TRPM3: variants seen among roughly 807,000 people sequenced by gnomAD.
The protein encoded by TRPM3 is transient receptor potential cation channel subfamily M member 3, also known as long transient receptor potential channel 3.
Under a neutral mutation model 181.2 loss-of-function variants are expected in TRPM3, and 77 were observed. That is an observed-to-expected ratio of 0.42 (90% CI 0.35 to 0.51). The LOEUF is 0.51. TRPM3 is among the 20% of genes least tolerant of loss of function. The probability of loss-of-function intolerance (pLI) is 0.01; values close to 1 mark genes in which losing one functional copy is unlikely to be tolerated. For synonymous variants in TRPM3, 745 were observed against 796.4 expected, an observed-to-expected ratio of 0.94 and a Z score of 1.09; for missense variants, 1,759 against 2,196.7, an observed-to-expected ratio of 0.80 and a Z score of 3.98.
intron 8 of TRPM3, among the ~76,000 whole-genome samples, chr9:70,743,196 GTCTGGAT>G (rs1341462110): frequency 5.9e-5 from 9 of 152,280 alleles, no homozygotes; most frequent in Non-Finnish European, 1.3e-4. Context: ...GATAGACTAA[GTCTGGAT>G]CACGGAGGGT....
chr9:70,834,909 G>A (rs569703123), intron 5 of TRPM3, among the ~76,000 whole-genome samples: 4 of 152,264 alleles, frequency 2.6e-5, no homozygotes, highest in African/African-American at 7.2e-5. Flanking sequence ...TTGTCTCCCC[G>A]AAATCTCATG....
rs117231620 is a variant in TRPM3, at chr9:70,889,064, G to A, written c.178-24553C>T. Among the ~76,000 whole-genome samples the A allele has an allele frequency of 9.9e-4, 150 of 152,228 alleles. 1 individual carries two copies. The Middle Eastern group carries it at 0.01, about 10-fold the overall frequency. On this transcript the variant is annotated intron_variant, in intron 1 of 25. Transcript: ENST00000677713. ...GCCAACTAGAGAATGTTCAAAGCTC[G>A]GGAACTGGAAGGGGTGGCACAGCCA... is the stretch of plus-strand genomic sequence containing the variant.
chr9:70,581,329 A>G (rs2055593603), intron 22 of TRPM3, among the ~76,000 whole-genome samples: 1 of 152,256 alleles, frequency 6.6e-6, no homozygotes, highest in African/African-American at 2.4e-5. Flanking sequence ...CTGATGTTCT[A>G]GATATCAAAT....
At chr9:70,759,559 G>A (rs1243436885) in intron 8 of TRPM3, among the ~76,000 whole-genome samples, 2 of 152,066 alleles carry the variant, frequency 1.3e-5, no homozygotes, top group Admixed American at 6.6e-5. Context: ...CACTGTTCAC[G>A]ATAGCAAAGA....
intron 8 of TRPM3, among the ~76,000 whole-genome samples, chr9:70,695,864 A>T (rs866606392): frequency 7.2e-5 from 11 of 152,270 alleles, no homozygotes; most frequent in African/African-American, 2.4e-4. Context: ...GCAGGCGGAA[A>T]GGCTGAGATA....
At chr9:70,872,339 T>C (rs1214513323) in intron 1 of TRPM3, among the ~76,000 whole-genome samples, 1 of 151,842 alleles carries the variant, frequency 6.6e-6, no homozygotes, top group African/African-American at 2.4e-5. Flanking sequence ...GTAGTAGTGG[T>C]CTTAATAGAC....
Position 70,659,350 on chromosome 9 carries a change from A to G in TRPM3, c.1346-18690T>C, listed in dbSNP as rs142528500. On this transcript the variant is annotated intron_variant, in intron 9 of 25. Transcript: ENST00000677713. Reference sequence around the variant, plus strand: ...CTTTCTGACAGGCCCAGGAGCCCCAAGTTTTATGTTGGGACCTCAAGAGGA... The same window carrying G: ...CTTTCTGACAGGCCCAGGAGCCCCAGGTTTTATGTTGGGACCTCAAGAGGA... Among the ~76,000 whole-genome samples the G allele has an allele frequency of 1.5e-4, 23 of 152,224 alleles. No individual in the cohort carries two copies. The East Asian group carries it at 4.3e-3, about 28-fold the overall frequency.
At chr9:71,420,789 G>GAA (rs1486977374) in intron 1 of TRPM3, among the ~76,000 whole-genome samples, 1,480 of 44,032 alleles carry the variant, frequency 0.034, 434 homozygotes, top group Non-Finnish European at 0.057. Flanking sequence ...GAGAGAGAAA[G>GAA]AGAGAGAAAG....
At position 71,445,015 on chromosome 9, in the gene TRPM3, C is replaced by T. The variant is rs79377783; in HGVS notation, c.183+1638G>A. 6.3e-3 allele frequency among the ~76,000 whole-genome samples: 961 copies of T among 152,308 alleles called. 14 individuals carry two copies. Among genetic ancestry groups the T allele is most frequent in the African/African-American group, 0.022 (921 of 41,570 alleles). The stretch of plus-strand genomic sequence containing the variant: ...CAGAGAACTACAGCACCATCATCAC[C>T]CTTAGCAAACAGGAGGACATAGTTA... On this transcript the variant is annotated intron_variant, in intron 1 of 24. Coordinates refer to the TRPM3 transcript ENST00000357533.
rs1370516095 is a variant in TRPM3, at chr9:71,133,914, G to C, written c.184-269403C>G. 2.6e-5 allele frequency among the ~76,000 whole-genome samples: 4 copies of C among 151,722 alleles called. No individual in the cohort carries two copies. The South Asian group carries it at 6.2e-4, about 24-fold the overall frequency. ...GTAAGCTGCTTTGAAAACCACCTCT[G>C]CTGCATTCTTCTTCCTTACTGGTCT... is the stretch of plus-strand genomic sequence containing the variant. On this transcript the variant is annotated intron_variant, in intron 1 of 24. Coordinates refer to the TRPM3 transcript ENST00000357533.
chr9:71,091,146 A>G (rs1411628025), intron 1 of TRPM3, among the ~76,000 whole-genome samples: 4 of 152,144 alleles, frequency 2.6e-5, no homozygotes, highest in Admixed American at 6.6e-5. Flanking sequence ...TAAACACACC[A>G]TGCTTACCAT....
chr9:70,753,114 A>T (rs1411499952), intron 8 of TRPM3, among the ~76,000 whole-genome samples: 1 of 152,188 alleles, frequency 6.6e-6, no homozygotes, highest in East Asian at 1.9e-4. Flanking sequence ...CTCAAAAAAA[A>T]GAAAAGAAAT....
chr9:71,037,435 A>C (rs1436118112), intron 1 of TRPM3, among the ~76,000 whole-genome samples: 2 of 152,266 alleles, frequency 1.3e-5, no homozygotes, highest in Admixed American at 6.5e-5. Context: ...CAGTAGGGTT[A>C]CAAGTGCTCC....
chr9:71,361,041 C>T (rs2092122490), intron 1 of TRPM3, among the ~76,000 whole-genome samples: 1 of 152,136 alleles, frequency 6.6e-6, no homozygotes, highest in Non-Finnish European at 1.5e-5. Flanking sequence ...GGCTGGAGTG[C>T]AGTGGCACAA....
intron 22 of TRPM3, among the ~76,000 whole-genome samples, chr9:70,559,094 T>C (rs2048424543): frequency 6.6e-6 from 1 of 152,214 alleles, no homozygotes; most frequent in South Asian, 2.1e-4. Context: ...TAAACTTTTA[T>C]AATAACAAGT....
At chr9:71,017,280 C>T (rs2134449404) in intron 1 of TRPM3, among the ~76,000 whole-genome samples, 1 of 151,968 alleles carries the variant, frequency 6.6e-6, no homozygotes, top group Middle Eastern at 3.4e-3. Flanking sequence ...AAAAAAGGAA[C>T]TTAAAAGATA....
intron 7 of TRPM3, chr9:70,776,523 A>G (rs1468463027): frequency 2.9e-6 from 2 of 692,578 alleles, no homozygotes; most frequent in Admixed American, 2.2e-5. Flanking sequence ...AAACAAGGAA[A>G]TAAGTAAACT....
chr9:71,415,856 T>C (rs1385635079), intron 1 of TRPM3, among the ~76,000 whole-genome samples: 2 of 151,710 alleles, frequency 1.3e-5, no homozygotes, highest in East Asian at 1.9e-4. Context: ...AAGAATAAAA[T>C]AGTACTAGAA....
At chr9:70,744,999 A>T (rs1564096838) in intron 8 of TRPM3, among the ~76,000 whole-genome samples, 2 of 152,182 alleles carry the variant, frequency 1.3e-5, no homozygotes, top group East Asian at 1.9e-4. Flanking sequence ...AAATGGAGAT[A>T]CTAATACCGA....
Sources: gnomAD v4.1 joint callset for allele counts (sites outside exome capture counted in the v4.1 genomes callset) on GRCh38, gnomAD v4.1.1 for gene constraint, MANE v1.5 for transcripts, NCBI Gene and HGNC (gene_info 2026-07-23, HGNC 2026-07-21) for gene names.